Variants in ITGB3BP observed in about 807,000 individuals in gnomAD.
ITGB3BP encodes integrin subunit beta 3 binding protein, also known as centromere protein R.
A neutral mutation model predicts 29.1 loss-of-function variants in ITGB3BP; 27 were observed. The observed-to-expected ratio is 0.93, with a 90% CI of 0.68 to 1.28. The LOEUF (loss-of-function observed/expected upper bound fraction) is 1.28. ITGB3BP is among the 50% of genes most tolerant of loss of function. The pLI is 0.00. For synonymous variants in ITGB3BP, 61 were observed against 61.4 expected (o/e 0.99, Z 0.03); for missense variants, 192 against 200.2 (o/e 0.96, Z 0.25).
At chr1:63,521,686 C>T (rs550188191) in intron 1 of ITGB3BP, among the ~76,000 whole-genome samples, 1 of 152,078 alleles carries the variant, frequency 6.6e-6, no homozygotes, top group East Asian at 1.9e-4. Context: ...AAAAATTAGG[C>T]ATGGTGGCAT....
At chr1:63,478,858 G>C (rs1277603078) in intron 3 of ITGB3BP, 25 bp from the exon 4 acceptor site, 8 of 829,496 alleles carry the variant, frequency 9.6e-6, no homozygotes, top group Non-Finnish European at 1.3e-5. Context: ...TAAAGAAAAG[G>C]ACATAAAGTT....
At chr1:63,510,269 C>T (rs897183536) in intron 1 of ITGB3BP, 4 of 404,902 alleles carry the variant, frequency 9.9e-6, no homozygotes, top group African/African-American at 4.2e-5. Flanking sequence ...TTTCTAAATG[C>T]TATTAAGATG....
At chr1:63,474,497 G>A (rs972586589) in intron 4 of ITGB3BP, among the ~76,000 whole-genome samples, 394 of 150,460 alleles carry the variant, frequency 2.6e-3, no homozygotes, top group African/African-American at 7.2e-3. Flanking sequence ...GATGGTTGCC[G>A]GGTCTGTGTG....
intron 4 of ITGB3BP, among the ~76,000 whole-genome samples, chr1:63,475,604 A>G (rs904316629): frequency 1.3e-5 from 2 of 152,198 alleles, no homozygotes; most frequent in African/African-American, 4.8e-5. Context: ...TTAAAAAATA[A>G]AAGAAATCTA....
chr1:63,474,965 T>A (rs1239013015), intron 4 of ITGB3BP, among the ~76,000 whole-genome samples: 1 of 152,110 alleles, frequency 6.6e-6, no homozygotes, highest in Non-Finnish European at 1.5e-5. Flanking sequence ...TGTGAAATGT[T>A]GTTTATTGAT....
chr1:63,491,633 G>C lies in ITGB3BP; in HGVS notation c.49-1415C>G, dbSNP rs555151344. 5.9e-5 allele frequency among the ~76,000 whole-genome samples: 9 copies of C among 152,066 alleles called. No homozygotes were observed. In the South Asian group the frequency reaches 1.9e-3, roughly 32 times the overall value. ...AATAGTGGCTGTGTCATCTTTTTTA[G>C]TAATCTTAATATTAGTTCCAGAATC... On this transcript the variant is annotated intron_variant, in intron 2 of 8. Transcript: ENST00000271002.
chr1:63,477,849 AC>A (rs770137755), intron 4 of ITGB3BP, among the ~76,000 whole-genome samples: 1 of 152,192 alleles, frequency 6.6e-6, no homozygotes, highest in Non-Finnish European at 1.5e-5. Context: ...CATATGCACT[AC>A]TTTGAAAATT....
Position 63,473,624 on chromosome 1 carries a change from G to T in ITGB3BP, c.254+5140C>A, listed in dbSNP as rs1645259820. Among the ~76,000 whole-genome samples the T allele has an allele frequency of 1.5e-5, 2 of 134,882 alleles. 1 individual carries two copies. The highest frequency in any genetic ancestry group is 3.3e-5 in the Non-Finnish European group (2 of 60,772). The allele number at this position is 134,882 out of a possible 152,430, so 88.5% of individuals were successfully genotyped here. Reference sequence around the variant, plus strand: ...GCCCCGTCCGGGAGGGAGGTGGGGGGGTCAGCCCCCCGCCCGGCCAGCCGC... The same window carrying T: ...GCCCCGTCCGGGAGGGAGGTGGGGGTGTCAGCCCCCCGCCCGGCCAGCCGC... On this transcript the variant is annotated intron_variant, in intron 4 of 8. Coordinates refer to ENST00000271002, the MANE Select transcript of ITGB3BP (RefSeq NM_014288.5).
At chr1:63,516,781 G>T (rs1570335136) in intron 1 of ITGB3BP, among the ~76,000 whole-genome samples, 1 of 151,616 alleles carries the variant, frequency 6.6e-6, no homozygotes, top group Admixed American at 6.6e-5. Flanking sequence ...CTATTAGTGG[G>T]AGCTAAACAA....
At chr1:63,467,033 C>A (rs71643678) in intron 4 of ITGB3BP, among the ~76,000 whole-genome samples, 660 of 152,172 alleles carry the variant, frequency 4.3e-3, no homozygotes, top group Middle Eastern at 0.01. Context: ...CAGGTGCACA[C>A]TACCATGCTC....
intron 2 of ITGB3BP, among the ~76,000 whole-genome samples, chr1:63,502,691 T>C (rs1645966373): frequency 1.8e-5 from 2 of 108,590 alleles, no homozygotes; most frequent in Admixed American, 2.5e-4. Flanking sequence ...CAGGCCCTGG[T>C]GTGTGATGTT....
intron 3 of ITGB3BP, among the ~76,000 whole-genome samples, chr1:63,479,793 T>G (rs1645405926): frequency 1.3e-5 from 2 of 152,150 alleles, no homozygotes; most frequent in African/African-American, 4.8e-5. Flanking sequence ...TTTTAAAGGT[T>G]AAGAGCATTC....
chr1:63,456,956 A>C (rs762454206), intron 4 of ITGB3BP, among the ~76,000 whole-genome samples: 1 of 152,212 alleles, frequency 6.6e-6, no homozygotes, highest in Non-Finnish European at 1.5e-5. Flanking sequence ...TTAAATATCA[A>C]TTATCTGGGG....
intron 1 of ITGB3BP, among the ~76,000 whole-genome samples, chr1:63,517,100 AAAGAT>A (rs1295691266): frequency 2.0e-5 from 3 of 152,208 alleles, no homozygotes; most frequent in African/African-American, 4.8e-5. Context: ...CAGAAAAGAT[AAAGAT>A]AATACCAAAT....
At chr1:63,482,679 G>C (rs992732452) in intron 3 of ITGB3BP, among the ~76,000 whole-genome samples, 1 of 134,382 alleles carries the variant, frequency 7.4e-6, no homozygotes, top group Non-Finnish European at 1.5e-5. Context: ...TTGAGACAGA[G>C]TCTCACTTTG....
intron 4 of ITGB3BP, among the ~76,000 whole-genome samples, chr1:63,463,392 G>T (rs973053406): frequency 4.6e-5 from 7 of 151,736 alleles, no homozygotes; most frequent in African/African-American, 7.3e-5. Context: ...ACACACAAAT[G>T]AGTTCATTGC....
intron 4 of ITGB3BP, among the ~76,000 whole-genome samples, chr1:63,465,877 T>G: frequency 1.3e-5 from 2 of 152,254 alleles, no homozygotes; most frequent in South Asian, 2.1e-4. Context: ...TATTTTTTAT[T>G]TATTTTAATT....
At chr1:63,502,821 T>C (rs1278016238) in intron 2 of ITGB3BP, among the ~76,000 whole-genome samples, 1 of 152,120 alleles carries the variant, frequency 6.6e-6, no homozygotes, top group Non-Finnish European at 1.5e-5. Context: ...GCTTCATCCA[T>C]GTCCCTACAA....
At chr1:63,456,276 A>G (rs1004398742) in intron 4 of ITGB3BP, among the ~76,000 whole-genome samples, 1 of 152,206 alleles carries the variant, frequency 6.6e-6, no homozygotes. Context: ...GAAACAAGAG[A>G]CTTTTGATAG....
Sources: allele counts gnomAD v4.1 joint callset (sites outside exome capture counted in the v4.1 genomes callset), GRCh38; gene constraint gnomAD v4.1.1; transcripts MANE v1.5; gene names NCBI Gene and HGNC (gene_info 2026-07-23, HGNC 2026-07-21).